Variants in AIG1 observed in about 807,000 individuals in gnomAD.
AIG1 encodes androgen-induced gene 1 protein.
AIG1 carries 23 observed loss-of-function variants against 31.4 expected under a neutral mutation model. The ratio of observed to expected loss-of-function variants is 0.73; its 90% CI spans 0.53 to 1.04. The LOEUF (loss-of-function observed/expected upper bound fraction) is 1.04. Ranked by LOEUF, AIG1 falls within the 50% of genes least tolerant of loss-of-function variation. The pLI is 0.00. For missense variants in AIG1, 274 were observed against 295.0 expected, an observed-to-expected ratio of 0.93 and a Z score of 0.52; for synonymous variants, 100 against 110.5, an observed-to-expected ratio of 0.90 and a Z score of 0.60.
chr6:143,137,379 T>A (rs114963823), intron 2 of AIG1, among the ~76,000 whole-genome samples: 2,245 of 152,258 alleles, frequency 0.015, 41 homozygotes, highest in Middle Eastern at 0.082. Context: ...AATCACCTCT[T>A]GAGAAACCCA....
intron 3 of AIG1, chr6:143,188,844 G>C (rs1789522794): frequency 1.0e-6 from 1 of 984,938 alleles, no homozygotes; most frequent in Non-Finnish European, 1.2e-6. Context: ...TTTTTACACT[G>C]CCTGGGATTT....
At chr6:143,294,393 G>A (rs4896635) in intron 4 of AIG1, among the ~76,000 whole-genome samples, 41,512 of 152,036 alleles carry the variant, frequency 0.27, 7,334 homozygotes, top group African/African-American at 0.5. Flanking sequence ...AGGTGGTATA[G>A]TGGTTGAGAT....
rs1488867141 is a variant in AIG1, at chr6:143,328,961, G to A, written c.516-4321G>A. Among the ~76,000 whole-genome samples, 1 of 152,164 alleles carries A rather than the reference G, an allele frequency of 6.6e-6. No homozygotes were observed. The highest frequency in any genetic ancestry group is 2.4e-5 in the African/African-American group (1 of 41,426). The stretch of plus-strand genomic sequence containing the variant: ...AGGAGAGAAATTAAAAGTCAGCCAA[G>A]AACTAAGCACTCTCCAGATAGATGG... On this transcript the variant is annotated intron_variant, in intron 4 of 5. Coordinates refer to ENST00000357847, the MANE Select transcript of AIG1 (RefSeq NM_016108.4). The surrounding 1 kb of genome is among the most constrained non-coding windows in gnomAD (Gnocchi z 4.0).
At position 143,188,259 on chromosome 6, in the gene AIG1, G is replaced by A. The variant is rs73781107; in HGVS notation, c.399+23076G>A. On this transcript the variant is annotated intron_variant, in intron 3 of 5. Transcript: ENST00000357847. ...TCTTTCCTCAGTAGGCACACTCATA[G>A]AGTAAACTGTTGCCGCTGTTTAAAC... 2,237 of 987,110 alleles carry A rather than the reference G, an allele frequency of 2.3e-3. 45 individuals carry two copies. In the African/African-American group the frequency reaches 0.036, roughly 16 times the overall value. The allele number at this position is 987,110 out of a possible 1,614,324, so 61.1% of individuals were successfully genotyped here. A position where few individuals can be genotyped will look rare whatever the true frequency, so the allele number is the denominator to read the frequency against.
At chr6:143,188,829 A>G (rs1283766107) in intron 3 of AIG1, 10 of 985,118 alleles carry the variant, frequency 1.0e-5, no homozygotes, top group African/African-American at 1.7e-5. Flanking sequence ...TTCCCAGAAC[A>G]TTCCTTTTTA....
chr6:143,231,684 C>T (rs924342201), intron 3 of AIG1, among the ~76,000 whole-genome samples: 86 of 152,314 alleles, frequency 5.6e-4, no homozygotes, highest in African/African-American at 2.0e-3. Flanking sequence ...TACCATCTAA[C>T]AGATAGCCAG....
intron 3 of AIG1, among the ~76,000 whole-genome samples, chr6:143,225,323 G>A (rs181826846): frequency 1.2e-3 from 176 of 152,276 alleles, no homozygotes; most frequent in Non-Finnish European, 1.8e-3. Context: ...CATCCCACAA[G>A]GAAGGGGAAT....
intron 3 of AIG1, among the ~76,000 whole-genome samples, chr6:143,229,784 CAA>C (rs751464049): frequency 7.4e-5 from 6 of 80,708 alleles, no homozygotes; most frequent in African/African-American, 7.5e-5. Context: ...ACTCTCAGAA[CAA>C]AAAAAAAAAA....
chr6:143,158,001 T>TGGAG (rs1785966045), intron 2 of AIG1, among the ~76,000 whole-genome samples: 1 of 152,230 alleles, frequency 6.6e-6, no homozygotes, highest in South Asian at 2.1e-4. Context: ...GACTAGGGAA[T>TGGAG]GGAGCTAGGG....
intron 4 of AIG1, among the ~76,000 whole-genome samples, chr6:143,303,636 G>A (rs1799007260): frequency 6.6e-6 from 1 of 151,038 alleles, no homozygotes; most frequent in Non-Finnish European, 1.5e-5. Flanking sequence ...TAGCCTTGTA[G>A]TATAGTTTGA....
In AIG1 at chr6:143,328,650, G is replaced by T. The variant is rs891675186; in HGVS notation, c.516-4632G>T. The stretch of plus-strand genomic sequence containing the variant: ...ATGTACACAGTTTCAAGGTATATGT[G>T]TAATTTAATTCATTCATATAAGCCA... On this transcript the variant is annotated intron_variant, in intron 4 of 5. Transcript: ENST00000357847. This position sits in a 1 kb window ranked among gnomAD's most constrained non-coding sequence, Gnocchi z 4.0. Among the ~76,000 whole-genome samples, 1 of 152,112 alleles carries T rather than the reference G, an allele frequency of 6.6e-6. No individual in the cohort carries two copies. The highest frequency in any genetic ancestry group is 2.4e-5 in the African/African-American group (1 of 41,414).
At chr6:143,213,072 T>C (rs1353506238) in intron 3 of AIG1, among the ~76,000 whole-genome samples, 2 of 152,184 alleles carry the variant, frequency 1.3e-5, no homozygotes, top group African/African-American at 4.8e-5. Context: ...AAATAGCCCC[T>C]TGAATACTCT....
intron 1 of AIG1, among the ~76,000 whole-genome samples, chr6:143,127,670 T>C (rs946368193): frequency 1.3e-5 from 2 of 152,132 alleles, no homozygotes; most frequent in Non-Finnish European, 2.9e-5. Flanking sequence ...TAACTTGATA[T>C]TGTTTTTTGG....
intron 1 of AIG1, among the ~76,000 whole-genome samples, chr6:143,099,976 A>G (rs1039834122): frequency 2.0e-5 from 3 of 152,240 alleles, no homozygotes; most frequent in Non-Finnish European, 2.9e-5. Context: ...AGCGGTTTAT[A>G]AGAAAATTCA....
rs1361995709 is a variant in AIG1, at chr6:143,331,876, ATTATT to A, written c.516-1405_516-1401del. Among the ~76,000 whole-genome samples the A allele has an allele frequency of 6.1e-5, 9 of 146,834 alleles. No homozygotes were observed. The highest frequency in any genetic ancestry group is 1.3e-4 in the Non-Finnish European group (9 of 67,020). ...TATTATTATTATTATTATTATTATT[ATTATT>A]ATTATTTTGAGACCAAGTCTCACTT... On this transcript the variant is annotated intron_variant, in intron 4 of 5. Transcript: ENST00000357847. The surrounding 1 kb of genome is among the most constrained non-coding windows in gnomAD (Gnocchi z 4.1).
At chr6:143,175,872 T>C (rs1396120653) in intron 3 of AIG1, among the ~76,000 whole-genome samples, 1 of 152,228 alleles carries the variant, frequency 6.6e-6, no homozygotes, top group African/African-American at 2.4e-5. Context: ...TTGGTGGTGC[T>C]AAATAACCTT....
chr6:143,270,025 A>T (rs1290166809), intron 3 of AIG1, among the ~76,000 whole-genome samples: 3 of 152,236 alleles, frequency 2.0e-5, no homozygotes, highest in Non-Finnish European at 2.9e-5. Flanking sequence ...GGAAGGGCAG[A>T]TGTAAACACT....
downstream of AIG1, chr6:143,342,180 C>T (rs1011821247): frequency 1.2e-5 from 7 of 599,486 alleles, no homozygotes; most frequent in Admixed American, 1.4e-4. Context: ...GCCTTGGCCT[C>T]TCAAAGTACT....
Position 143,331,733 on chromosome 6 carries a change from A to G in AIG1, c.516-1549A>G, listed in dbSNP as rs1432265907. ...AAAATTGTTTTACCACCAACCCCAG[A>G]ATGAATTTTCGCCTGCAAGAAGAGG... On this transcript the variant is annotated intron_variant, in intron 4 of 5. Coordinates refer to ENST00000357847, the MANE Select transcript of AIG1 (RefSeq NM_016108.4). This position sits in a 1 kb window ranked among gnomAD's most constrained non-coding sequence, Gnocchi z 4.1. 2.6e-5 allele frequency among the ~76,000 whole-genome samples: 4 copies of G among 151,862 alleles called. No homozygotes were observed.
Sources: gnomAD v4.1 joint callset for allele counts (sites outside exome capture counted in the v4.1 genomes callset) on GRCh38, gnomAD v4.1.1 for gene constraint, Gnocchi (gnomAD v3.1) non-coding constraint, MANE v1.5 for transcripts, NCBI Gene and HGNC (gene_info 2026-07-23, HGNC 2026-07-21) for gene names.